Variants in PALLD observed in about 807,000 individuals in gnomAD.
The protein encoded by PALLD is palladin.
A neutral mutation model predicts 123.5 loss-of-function variants in PALLD; 61 were observed. The observed-to-expected ratio is 0.49, with a 90% CI of 0.40 to 0.61. The LOEUF (loss-of-function observed/expected upper bound fraction) is 0.61. Among genes scored for constraint, PALLD ranks in the 20% least tolerant of loss-of-function variants. PALLD has a pLI of 0.00. For missense variants in PALLD, 1,273 were observed against 1,377.0 expected (o/e 0.92, Z 1.20); for synonymous variants, 465 against 496.4 (o/e 0.94, Z 0.84).
chr4:168,811,255 C>A (rs1303061420), intron 10 of PALLD, among the ~76,000 whole-genome samples: 2 of 152,170 alleles, frequency 1.3e-5, no homozygotes, highest in African/African-American at 4.8e-5. Context: ...ACTCTCAGAG[C>A]GTCTTGGTGT....
chr4:168,720,120 A>C (rs1646581592), intron 10 of PALLD, among the ~76,000 whole-genome samples: 1 of 152,240 alleles, frequency 6.6e-6, no homozygotes, highest in Admixed American at 6.5e-5. Flanking sequence ...AGACAAGAGC[A>C]GTACCTTTGA....
chr4:168,514,359 G>GA (rs1762804428), intron 2 of PALLD, among the ~76,000 whole-genome samples: 1 of 152,104 alleles, frequency 6.6e-6, no homozygotes, highest in Non-Finnish European at 1.5e-5. Context: ...GCTGAAAAGT[G>GA]GTGTGATTAC....
At chr4:168,871,950 T>C (rs1269416575) in intron 10 of PALLD, among the ~76,000 whole-genome samples, 1 of 152,094 alleles carries the variant, frequency 6.6e-6, no homozygotes, top group East Asian at 1.9e-4. Context: ...GAGAGTTGGA[T>C]CTCCACAGAC....
At chr4:168,631,570 A>C in intron 2 of PALLD, 1 of 981,854 alleles carries the variant, frequency 1.0e-6, no homozygotes, top group Non-Finnish European at 1.2e-6. Flanking sequence ...GCAGCCCGGC[A>C]CTCCGACACA....
At chr4:168,883,087 TCAA>T (rs1752846927) in intron 10 of PALLD, among the ~76,000 whole-genome samples, 1 of 83,410 alleles carries the variant, frequency 1.2e-5, no homozygotes, top group Non-Finnish European at 2.8e-5. Context: ...AAACTCTGTC[TCAA>T]AAAAAAAAAA....
chr4:168,754,811 A>G (rs573006935), intron 10 of PALLD, among the ~76,000 whole-genome samples: 1 of 152,250 alleles, frequency 6.6e-6, no homozygotes, highest in Non-Finnish European at 1.5e-5. Flanking sequence ...TATTCCACAC[A>G]TGGGGATGGA....
At chr4:168,718,580 C>CACAGTTAAAAGTATAAAGAAATATAT (rs1785602233) in intron 10 of PALLD, among the ~76,000 whole-genome samples, 1 of 152,172 alleles carries the variant, frequency 6.6e-6, no homozygotes, top group East Asian at 1.9e-4. Context: ...AATACAATCA[C>CACAGTTAAAAGTATAAAGAAATATAT]ACAGTTAAAA....
intron 2 of PALLD, among the ~76,000 whole-genome samples, chr4:168,543,335 G>A (rs886382133): frequency 9.8e-6 from 1 of 101,642 alleles, no homozygotes; most frequent in African/African-American, 3.2e-5. Context: ...TTTTTTTTTG[G>A]CATCTTCCCT....
chr4:168,904,073 T>C, intron 15 of PALLD, 167 bp downstream of exon 15: 1 of 671,280 alleles, frequency 1.5e-6, no homozygotes, highest in Non-Finnish European at 2.6e-6. Flanking sequence ...AAAAATTCTT[T>C]GTTTCATGAA....
chr4:168,842,630 G>A (rs908409721), intron 10 of PALLD, among the ~76,000 whole-genome samples: 11 of 152,204 alleles, frequency 7.2e-5, no homozygotes, highest in Admixed American at 1.3e-4. Context: ...AACCTACATT[G>A]CCTTGAGTCT....
At chr4:168,597,232 T>G (rs768791992) in intron 2 of PALLD, among the ~76,000 whole-genome samples, 6 of 152,230 alleles carry the variant, frequency 3.9e-5, no homozygotes, top group Non-Finnish European at 7.4e-5. Context: ...TACCATATAC[T>G]ATTTATCAGA....
chr4:168,829,983 G>A (rs1395920332), intron 10 of PALLD, among the ~76,000 whole-genome samples: 1 of 152,208 alleles, frequency 6.6e-6, no homozygotes, highest in Non-Finnish European at 1.5e-5. Flanking sequence ...TATAATCCCA[G>A]CACTTTGGGA....
At chr4:168,815,059 T>C (rs1404605036) in intron 10 of PALLD, among the ~76,000 whole-genome samples, 1 of 152,200 alleles carries the variant, frequency 6.6e-6, no homozygotes, top group East Asian at 1.9e-4. Context: ...GCATGAGCCA[T>C]TGTGCCCGGC....
At chr4:168,878,680 T>C (rs1335349620) in intron 10 of PALLD, among the ~76,000 whole-genome samples, 5 of 47,510 alleles carry the variant, frequency 1.1e-4, no homozygotes, top group Non-Finnish European at 2.7e-4. Context: ...TCTTAATCAT[T>C]ATGGGGGGGG....
At chr4:168,643,812 T>C (rs1408640031) in intron 2 of PALLD, among the ~76,000 whole-genome samples, 2 of 152,178 alleles carry the variant, frequency 1.3e-5, no homozygotes, top group Non-Finnish European at 2.9e-5. Flanking sequence ...TCTTGACATG[T>C]TTTTTCTCCT....
At chr4:168,528,083 C>T (rs1179185293) in intron 2 of PALLD, among the ~76,000 whole-genome samples, 1 of 152,156 alleles carries the variant, frequency 6.6e-6, no homozygotes, top group African/African-American at 2.4e-5. Context: ...TTTCATGAAA[C>T]CCTCCTTGCA....
intron 10 of PALLD, among the ~76,000 whole-genome samples, chr4:168,823,687 AG>A (rs773915309): frequency 6.4e-4 from 98 of 152,266 alleles, no homozygotes; most frequent in Non-Finnish European, 1.3e-3. Flanking sequence ...TCAAAAAAAA[AG>A]AAATCCCTTT....
chr4:168,554,048 G>A (rs1471821729), intron 2 of PALLD, among the ~76,000 whole-genome samples: 1 of 152,190 alleles, frequency 6.6e-6, no homozygotes, highest in African/African-American at 2.4e-5. Flanking sequence ...AGCCCCCACT[G>A]AGGCCAGCGC....
intron 10 of PALLD, among the ~76,000 whole-genome samples, chr4:168,872,363 T>C (rs1331558464): frequency 6.6e-6 from 1 of 152,244 alleles, no homozygotes; most frequent in African/African-American, 2.4e-5. Context: ...CCCTCCTCCA[T>C]AATTGTGTTC....
Sources: gnomAD v4.1 joint callset for allele counts (sites outside exome capture counted in the v4.1 genomes callset) on GRCh38, gnomAD v4.1.1 for gene constraint, MANE v1.5 for transcripts, NCBI Gene and HGNC (gene_info 2026-07-23, HGNC 2026-07-21) for gene names.